TLN2: variants seen among roughly 807,000 people sequenced by gnomAD.
The protein encoded by TLN2 is talin 2.
TLN2 carries 118 observed loss-of-function variants against 294.7 expected under a neutral mutation model. That is an observed-to-expected ratio of 0.40 (90% CI 0.34 to 0.47). The LOEUF (loss-of-function observed/expected upper bound fraction) is 0.47, where lower values mean the gene tolerates loss of function less well. Among genes scored for constraint, TLN2 ranks in the 20% least tolerant of loss-of-function variants. The probability of loss-of-function intolerance (pLI) is 0.84; values close to 1 mark genes in which losing one functional copy is unlikely to be tolerated. For synonymous variants in TLN2, 1,431 were observed against 1,304.5 expected (o/e 1.10, Z -2.09); for missense variants, 3,083 against 3,282.2 (o/e 0.94, Z 1.48).
intron 1 of TLN2, among the ~76,000 whole-genome samples, chr15:62,442,829 G>A (rs377271985): frequency 3.2e-4 from 48 of 152,308 alleles, no homozygotes; most frequent in African/African-American, 7.9e-4. Context: ...AACTCAAGGT[G>A]TCAGCAGGGC....
intron 1 of TLN2, among the ~76,000 whole-genome samples, chr15:62,486,026 T>A (rs371566518): frequency 1.3e-5 from 2 of 151,078 alleles, no homozygotes; most frequent in African/African-American, 4.9e-5. Flanking sequence ...AAAAAAAAAA[T>A]ACAAAGAATT....
At chr15:62,690,073 C>T (rs113866927) in intron 12 of TLN2, among the ~76,000 whole-genome samples, 2 of 98,898 alleles carry the variant, frequency 2.0e-5, no homozygotes, top group Non-Finnish European at 3.9e-5. Flanking sequence ...ACCTCCCGGA[C>T]GGGGCGGCCG....
At chr15:62,458,100 G>A (rs1353215384) in intron 1 of TLN2, among the ~76,000 whole-genome samples, 2 of 152,154 alleles carry the variant, frequency 1.3e-5, no homozygotes, top group East Asian at 1.9e-4. Flanking sequence ...TGAAGTTTTT[G>A]TATGAGTCAA....
intron 1 of TLN2, among the ~76,000 whole-genome samples, chr15:62,432,684 AG>A (rs2035072749): frequency 6.6e-6 from 1 of 152,206 alleles, no homozygotes; most frequent in South Asian, 2.1e-4. Flanking sequence ...AAGAAACTGC[AG>A]GAGGTGTTTT....
intron 1 of TLN2, among the ~76,000 whole-genome samples, chr15:62,436,983 C>T (rs965020270): frequency 6.6e-6 from 1 of 152,258 alleles, no homozygotes; most frequent in Admixed American, 6.5e-5. Context: ...CCCGCCTTGG[C>T]CTCCCAAAGT....
intron 3 of TLN2, among the ~76,000 whole-genome samples, chr15:62,620,429 TC>T (rs775651668): frequency 1.3e-5 from 2 of 152,060 alleles, no homozygotes; most frequent in Non-Finnish European, 2.9e-5. Context: ...TTTGTTGTTG[TC>T]CAAGTGAATT....
At chr15:62,492,240 A>T (rs2038775828) in intron 1 of TLN2, among the ~76,000 whole-genome samples, 1 of 152,148 alleles carries the variant, frequency 6.6e-6, no homozygotes, top group South Asian at 2.1e-4. Context: ...TCATGAGGTC[A>T]GGAGATCAAG....
chr15:62,497,045 T>G (rs1022902614), intron 1 of TLN2, among the ~76,000 whole-genome samples: 4 of 152,194 alleles, frequency 2.6e-5, no homozygotes, highest in Non-Finnish European at 4.4e-5. Context: ...CCCTTACATG[T>G]GTGACTGTGA....
At chr15:62,640,127 G>C (rs1050779154) in intron 3 of TLN2, 1 of 454,548 alleles carries the variant, frequency 2.2e-6, no homozygotes, top group East Asian at 7.0e-5. Flanking sequence ...GCACTTCTGG[G>C]TGGCTGTGAC....
chr15:62,818,726 A>AT (rs1392485241), intron 52 of TLN2, among the ~76,000 whole-genome samples: 1 of 151,668 alleles, frequency 6.6e-6, no homozygotes, highest in African/African-American at 2.4e-5. Flanking sequence ...TCACTTAGGG[A>AT]TTTTGTCTCA....
At position 62,588,361 on chromosome 15, in the gene TLN2, C is replaced by T. The variant is rs140994557; in HGVS notation, c.-237-1326C>T. Among the ~76,000 whole-genome samples the T allele has an allele frequency of 2.3e-3, 351 of 151,644 alleles. 8 individuals are homozygous for T. The East Asian group carries it at 0.042, about 18-fold the overall frequency. ...TTTTGTTACTATAAAGAAATAAGGG[C>T]GCAGCGGCTCACACGTGTAATCCCA... On this transcript the variant is annotated intron_variant, in intron 1 of 58. Transcript: ENST00000636159.
rs765582866 is a variant in TLN2, at chr15:62,665,518, C to A, written c.788+7620C>A. On this transcript the variant is annotated intron_variant, in intron 9 of 58. Transcript: ENST00000636159. ...TCTGCGTGTTACGTGAAGAAATTGT[C>A]CAAGGGCTGAGTGTGGGCAGGCAGG... Among the ~76,000 whole-genome samples, 7 of 152,168 alleles carry A rather than the reference C, an allele frequency of 4.6e-5. 1 individual carries two copies. In the South Asian group the frequency reaches 1.5e-3, roughly 32 times the overall value.
In TLN2 at chr15:62,725,052, A is replaced by G; in HGVS notation, c.3203A>G (p.Asp1068Gly). The G allele has an allele frequency of 3.1e-6, 5 of 1,613,450 alleles. No homozygotes were observed. The highest frequency in any genetic ancestry group is 4.2e-6 in the Non-Finnish European group (5 of 1,179,714). Reference protein sequence around the residue: ...TVQTLKNELQDAKMAAVESQL... With the variant: ...TVQTLKNELQGAKMAAVESQL... ...CAGACGCTTAAGAATGAACTGCAGGATGCCAAGATGGCAGCCGTGGAGAGC... is the reference window on the plus strand; with the variant it reads ...CAGACGCTTAAGAATGAACTGCAGGGTGCCAAGATGGCAGCCGTGGAGAGC... Residue 1068 changes from aspartate (D) to glycine (G), a missense_variant, in exon 27 of 59, where the codon GAT becomes GGT. Physicochemically the swap from Asp to Gly is moderately conservative, Grantham distance 94 (BLOSUM62 -1). Transcript: ENST00000636159.
At chr15:62,590,756 C>G (rs991650007) in intron 2 of TLN2, among the ~76,000 whole-genome samples, 4 of 152,152 alleles carry the variant, frequency 2.6e-5, no homozygotes, top group African/African-American at 9.7e-5. Context: ...GGCAGAGACA[C>G]AGGGTTCTTC....
At chr15:62,695,234 C>G (rs2058242371) in intron 14 of TLN2, among the ~76,000 whole-genome samples, 1 of 152,162 alleles carries the variant, frequency 6.6e-6, no homozygotes, top group African/African-American at 2.4e-5. Flanking sequence ...TTCTTGTATG[C>G]TTTAGTGTGA....
chr15:62,582,219 C>CACACACACACACATACAT (rs56281146), intron 1 of TLN2, among the ~76,000 whole-genome samples: 1 of 135,312 alleles, frequency 7.4e-6, no homozygotes, highest in Admixed American at 7.7e-5. Flanking sequence ...CACACACACA[C>CACACACACACACATACAT]ACACACACAC....
rs77274088 is a variant in TLN2, at chr15:62,697,682, C to T, written c.1293-6C>T. ...CTCTCAGTGACCAAACCACTTTTCC[C>T]GGCAGGTCCACCATCTTGCAGCAGC... On this transcript the variant is annotated splice_polypyrimidine_tract_variant and splice_region_variant and intron_variant, in intron 14 of 58. Coordinates refer to ENST00000636159, the MANE Select transcript of TLN2 (RefSeq NM_015059.3). 1,743 of 1,590,052 alleles carry T rather than the reference C, an allele frequency of 1.1e-3. 11 individuals carry two copies. In the African/African-American group the frequency reaches 0.014, roughly 13 times the overall value.
At chr15:62,607,981 ACT>A (rs2047594984) in intron 2 of TLN2, among the ~76,000 whole-genome samples, 1 of 151,840 alleles carries the variant, frequency 6.6e-6, no homozygotes. Context: ...TTTTATGCAG[ACT>A]CTCTCTGACA....
chr15:62,573,338 C>A (rs2044077086), intron 1 of TLN2, among the ~76,000 whole-genome samples: 1 of 151,992 alleles, frequency 6.6e-6, no homozygotes, highest in South Asian at 2.1e-4. Context: ...GGTGTTGTGC[C>A]CCCCTCTGCC....
Sources: allele counts gnomAD v4.1 joint callset (sites outside exome capture counted in the v4.1 genomes callset), GRCh38; gene constraint gnomAD v4.1.1; transcripts MANE v1.5; gene names NCBI Gene and HGNC (gene_info 2026-07-23, HGNC 2026-07-21).